RTP2: variants seen among roughly 807,000 people sequenced by gnomAD.
RTP2 encodes receptor transporter protein 2, also known as receptor-transporting protein 2.
Under a neutral mutation model 17.9 loss-of-function variants are expected in RTP2, and 12 were observed. The observed-to-expected ratio is 0.67, with a 90% confidence interval of 0.43 to 1.09. The LOEUF (loss-of-function observed/expected upper bound fraction) is 1.09, where lower values mean the gene tolerates loss of function less well. Ranked by LOEUF, RTP2 falls within the 50% of genes least tolerant of loss-of-function variation. RTP2 has a pLI of 0.00. For missense variants in RTP2, 327 were observed against 295.7 expected (o/e 1.11, Z -0.78); for synonymous variants, 126 against 117.7 (o/e 1.07, Z -0.46).
At chr3:187,704,958 C>A (rs190972279), upstream of RTP2, among the ~76,000 whole-genome samples, 20 of 152,286 alleles carry the variant, frequency 1.3e-4, no homozygotes, top group Non-Finnish European at 1.5e-5. Context: ...AGGCAAGTGA[C>A]ATTCTGTTTC....
the RTP2 span, among the ~76,000 whole-genome samples, chr3:187,711,709 TG>T: frequency 6.6e-6 from 1 of 152,216 alleles, no homozygotes; most frequent in East Asian, 1.9e-4. Flanking sequence ...CTCTCAGCTC[TG>T]CCAGTGACTT....
the RTP2 span, among the ~76,000 whole-genome samples, chr3:187,709,912 C>T: frequency 6.6e-6 from 1 of 151,996 alleles, no homozygotes; most frequent in African/African-American, 2.4e-5. Flanking sequence ...GCATTGGCAA[C>T]ACATGTATGA....
the RTP2 span, among the ~76,000 whole-genome samples, chr3:187,713,881 T>G: frequency 6.6e-6 from 1 of 152,220 alleles, no homozygotes; most frequent in Non-Finnish European, 1.5e-5. Context: ...AGGAAACCAG[T>G]GCAAATTGGC....
chr3:187,698,778 T>C (rs372073761), exon 2 of RTP2: 435 of 1,613,780 alleles, frequency 2.7e-4, no homozygotes, highest in Non-Finnish European at 3.4e-4. Context: ...CTGGCCACCA[T>C]CCTCCTCGTA....
chr3:187,706,290 T>C (rs764901323), upstream of RTP2, among the ~76,000 whole-genome samples: 6 of 152,204 alleles, frequency 3.9e-5, no homozygotes, highest in Non-Finnish European at 8.8e-5. Context: ...ACAAAGCATA[T>C]GAGATGCAGA....
chr3:187,708,864 T>G, the RTP2 span, among the ~76,000 whole-genome samples: 4 of 152,156 alleles, frequency 2.6e-5, no homozygotes, highest in Admixed American at 1.3e-4. Context: ...CTGGAGGTCC[T>G]ATAGTTAATA....
At chr3:187,707,105 C>G (rs1209417487), upstream of RTP2, among the ~76,000 whole-genome samples, 1 of 151,650 alleles carries the variant, frequency 6.6e-6, no homozygotes, top group Non-Finnish European at 1.5e-5. Flanking sequence ...GTCTATGGGC[C>G]AAAACATCTA....
At chr3:187,705,734 C>G (rs1331883946), upstream of RTP2, among the ~76,000 whole-genome samples, 2 of 152,200 alleles carry the variant, frequency 1.3e-5, no homozygotes, top group African/African-American at 2.4e-5. Flanking sequence ...TTGGCCCCAA[C>G]ACTTAGCTCA....
At chr3:187,708,731 C>T in the RTP2 span, among the ~76,000 whole-genome samples, 1 of 152,162 alleles carries the variant, frequency 6.6e-6, no homozygotes, top group Non-Finnish European at 1.5e-5. Context: ...ATGAGTTTTT[C>T]TAAGTACTTT....
intron 1 of RTP2, among the ~76,000 whole-genome samples, chr3:187,700,719 G>C (rs1464296399): frequency 6.6e-6 from 1 of 152,174 alleles, no homozygotes; most frequent in African/African-American, 2.4e-5. Flanking sequence ...GAAGCATCTA[G>C]TCAGCCCTTT....
intron 1 of RTP2, among the ~76,000 whole-genome samples, chr3:187,700,931 T>C (rs987219147): frequency 1.3e-5 from 2 of 152,214 alleles, no homozygotes; most frequent in African/African-American, 4.8e-5. Flanking sequence ...ATTCCAGGTC[T>C]TGGGACAAGA....
the RTP2 span, among the ~76,000 whole-genome samples, chr3:187,712,021 A>G: frequency 6.6e-6 from 1 of 152,244 alleles, no homozygotes; most frequent in African/African-American, 2.4e-5. Context: ...AGGGTAGCAC[A>G]AATGGTCTTC....
At chr3:187,702,285 C>T (rs565863206) in exon 1 of RTP2, 1 of 715,306 alleles carries the variant, frequency 1.4e-6, no homozygotes, top group South Asian at 1.8e-5. Context: ...TACCCTGGAA[C>T]CTGTTACCAT....
intron 1 of RTP2, among the ~76,000 whole-genome samples, chr3:187,701,746 A>G (rs1411350205): frequency 2.0e-5 from 3 of 152,200 alleles, no homozygotes; most frequent in Non-Finnish European, 4.4e-5. Flanking sequence ...CTAAGACCCA[A>G]AGATGGAACA....
chr3:187,698,953 G>T, exon 2 of RTP2: 3 of 1,606,718 alleles, frequency 1.9e-6, no homozygotes, highest in Non-Finnish European at 2.6e-6. Flanking sequence ...AGGAACATGT[G>T]GAAGAGGATG....
intron 1 of RTP2, among the ~76,000 whole-genome samples, chr3:187,699,927 T>G (rs1401798467): frequency 6.6e-6 from 1 of 152,154 alleles, no homozygotes; most frequent in South Asian, 2.1e-4. Context: ...CACCACTGCC[T>G]GCACACTTTC....
At position 187,698,474 on chromosome 3, in the gene RTP2, C is replaced by T. The variant is rs112832398; in HGVS notation, c.*24G>A. 199 of 1,573,470 alleles carry T rather than the reference C, an allele frequency of 1.3e-4. 1 individual carries two copies. In the African/African-American group the frequency reaches 2.1e-3, roughly 17 times the overall value. On this transcript the variant is annotated 3_prime_UTR_variant, in exon 2 of 2. Coordinates refer to ENST00000358241, the Ensembl canonical transcript of RTP2. ...CTCCCCACTCTCAAGCCCATGTGCC[C>T]TCTCCCACCCTTAACCAGCTCCACT...
At chr3:187,699,774 CACACACACATAT>C (rs753658968) in intron 1 of RTP2, among the ~76,000 whole-genome samples, 1,302 of 85,118 alleles carry the variant, frequency 0.015, 22 homozygotes, top group Non-Finnish European at 0.016. Context: ...CACACACACA[CACACACACATAT>C]ATTTTCTCTC....
At chr3:187,700,347 A>C (rs1717814152) in intron 1 of RTP2, among the ~76,000 whole-genome samples, 1 of 152,252 alleles carries the variant, frequency 6.6e-6, no homozygotes, top group Non-Finnish European at 1.5e-5. Context: ...TGAGAGCTGC[A>C]GGGCATCTGC....
Sources: allele counts gnomAD v4.1 joint callset (sites outside exome capture counted in the v4.1 genomes callset), GRCh38; gene constraint gnomAD v4.1.1; transcripts MANE v1.5; gene names NCBI Gene and HGNC (gene_info 2026-07-23, HGNC 2026-07-21).